FRMPD1: variants seen among roughly 807,000 people sequenced by gnomAD.
The protein encoded by FRMPD1 is FERM and PDZ domain containing 1.
In FRMPD1, 76 loss-of-function variants were observed where a neutral mutation model predicts 117.8. That is an observed-to-expected ratio of 0.65 (90% confidence interval 0.54 to 0.78). The LOEUF is 0.78. FRMPD1 is among the 30% of genes least tolerant of loss of function. The pLI is 0.00. For synonymous variants in FRMPD1, 783 were observed against 770.4 expected (o/e 1.02, Z -0.27); for missense variants, 1,786 against 1,964.5 (o/e 0.91, Z 1.72).
chr9:37,692,710 A>T lies in FRMPD1; in HGVS notation c.69A>T (p.Arg23Ser), dbSNP rs779165414. 1.9e-5 allele frequency: 30 copies of T among 1,613,886 alleles called. No homozygotes were observed. The highest frequency in any genetic ancestry group is 1.7e-6 in the Non-Finnish European group (2 of 1,179,874). Residue 23 changes from arginine to serine, a missense_variant, in exon 2 of 16, where the codon AGA becomes AGT. Coordinates refer to ENST00000377765, the MANE Select transcript of FRMPD1 (RefSeq NM_014907.3). ...KAHRIEQMVA[R>S]WLRRSRDSSA... ...ATAGAATAGAACAAATGGTGGCAAG[A>T]TGGCTTCGGCGCTCCCGGGACAGCT... is the stretch of plus-strand genomic sequence containing the variant.
the FRMPD1 span, among the ~76,000 whole-genome samples, chr9:37,640,304 G>A: frequency 2.0e-5 from 3 of 152,234 alleles, no homozygotes; most frequent in Admixed American, 1.3e-4. Context: ...TAGGGCTGAA[G>A]CAGGAGGGGG....
intron 1 of FRMPD1, among the ~76,000 whole-genome samples, chr9:37,689,830 C>T (rs530143097): frequency 6.6e-6 from 1 of 152,290 alleles, no homozygotes; most frequent in African/African-American, 2.4e-5. Flanking sequence ...AATTTGAGAA[C>T]TTCAATGGCT....
intron 12 of FRMPD1, 97 bp from the exon 13 acceptor site, chr9:37,735,455 A>G (rs1563958062): frequency 6.8e-6 from 6 of 885,904 alleles, no homozygotes; most frequent in Non-Finnish European, 7.3e-6. Context: ...CAAAGTAGGA[A>G]TCAAGGAGTT....
chr9:37,694,524 A>G (rs1253315358), intron 2 of FRMPD1, among the ~76,000 whole-genome samples: 3 of 152,160 alleles, frequency 2.0e-5, no homozygotes, highest in Non-Finnish European at 2.9e-5. Flanking sequence ...CCCCTCTGCC[A>G]GCCCCAGGTA....
intron 1 of FRMPD1, among the ~76,000 whole-genome samples, chr9:37,655,651 C>T (rs1820819728): frequency 6.6e-6 from 1 of 151,914 alleles, no homozygotes; most frequent in South Asian, 2.1e-4. Flanking sequence ...CTACAGGCAC[C>T]TGCCACCATG....
chr9:37,637,267 A>T, the FRMPD1 span: 1 of 1,602,680 alleles, frequency 6.2e-7, no homozygotes, highest in South Asian at 1.1e-5. Context: ...AAAGCAGCTT[A>T]AACAGGCAGT....
In FRMPD1 at chr9:37,735,536, C is replaced by T. The variant is rs771831048; in HGVS notation, c.1219-16C>T. The T allele has an allele frequency of 1.9e-6, 3 of 1,598,774 alleles. No homozygotes were observed. Among genetic ancestry groups the T allele is most frequent in the Non-Finnish European group, 2.6e-6 (3 of 1,166,632 alleles). On this transcript the variant is annotated splice_polypyrimidine_tract_variant and intron_variant, in intron 12 of 15. Coordinates refer to ENST00000377765, the MANE Select transcript of FRMPD1 (RefSeq NM_014907.3). Reference sequence around the variant, plus strand: ...CGCTTGCGAATGGAGACTAATTCCCCTTCCACCCTCTGCAGTTACAGGATA... The same window carrying T: ...CGCTTGCGAATGGAGACTAATTCCCTTTCCACCCTCTGCAGTTACAGGATA...
chr9:37,684,234 A>G (rs1821843188), intron 1 of FRMPD1, among the ~76,000 whole-genome samples: 1 of 152,214 alleles, frequency 6.6e-6, no homozygotes, highest in South Asian at 2.1e-4. Context: ...CAAGCAAGCT[A>G]ATCTGATTTT....
chr9:37,671,577 A>G (rs531227303), intron 1 of FRMPD1, among the ~76,000 whole-genome samples: 1 of 152,348 alleles, frequency 6.6e-6, no homozygotes, highest in East Asian at 1.9e-4. Context: ...AGTCAAATAT[A>G]GTCTGAGAGA....
chr9:37,737,309 C>A, intron 14 of FRMPD1, 66 bp downstream of exon 14: 1 of 1,459,436 alleles, frequency 6.9e-7, no homozygotes, highest in Non-Finnish European at 9.5e-7. Flanking sequence ...GTAAGGGCAG[C>A]CTAAAGGGAG....
the FRMPD1 span, among the ~76,000 whole-genome samples, chr9:37,618,975 G>C: frequency 1.3e-5 from 2 of 152,202 alleles, no homozygotes; most frequent in Non-Finnish European, 2.9e-5. Context: ...TGCTGAGCCA[G>C]TCCTGGGATT....
chr9:37,659,036 T>C (rs1470353610), intron 1 of FRMPD1, among the ~76,000 whole-genome samples: 1 of 152,042 alleles, frequency 6.6e-6, no homozygotes, highest in Non-Finnish European at 1.5e-5. Flanking sequence ...AATTTTTAAA[T>C]TTTATTTTTA....
chr9:37,685,382 G>A (rs542810252), intron 1 of FRMPD1, among the ~76,000 whole-genome samples: 24 of 152,006 alleles, frequency 1.6e-4, no homozygotes, highest in Non-Finnish European at 2.8e-4. Context: ...AGTGGCTCAC[G>A]CCTGTAATCC....
Position 37,740,693 on chromosome 9 carries a change from G to A in FRMPD1, c.2165G>A (p.Ser722Asn), listed in dbSNP as rs138584414. Residue 722 changes from serine (S) to asparagine (N), a missense_variant, in exon 15 of 16, where the codon AGT (serine) becomes AAT (asparagine). Coordinates refer to ENST00000377765, the MANE Select transcript of FRMPD1 (RefSeq NM_014907.3). This position sits in a 1 kb window ranked among gnomAD's most constrained non-coding sequence, Gnocchi z 4.2. ...SVSPASYLSD[S>N]SESTASRQGG... is the part of the protein sequence containing the mutation. Reference sequence around the variant, plus strand: ...TCCCCGGCCAGCTACCTGAGTGACAGTTCCGAGAGTACAGCTTCCCGGCAA... The same window carrying A: ...TCCCCGGCCAGCTACCTGAGTGACAATTCCGAGAGTACAGCTTCCCGGCAA... The A allele has an allele frequency of 1.5e-5, 24 of 1,614,046 alleles. No homozygotes were observed. Among genetic ancestry groups the A allele is most frequent in the Non-Finnish European group, 2.0e-5 (24 of 1,180,024 alleles).
At chr9:37,687,656 G>C (rs1166827406) in intron 1 of FRMPD1, among the ~76,000 whole-genome samples, 1 of 152,130 alleles carries the variant, frequency 6.6e-6, no homozygotes, top group Admixed American at 6.5e-5. Flanking sequence ...AAAGAAATAT[G>C]ATGTTATTTT....
At position 37,746,252 on chromosome 9, in the gene FRMPD1, C is replaced by T. The variant is rs781316556; in HGVS notation, c.4220C>T (p.Ala1407Val). The T allele has an allele frequency of 2.5e-6, 4 of 1,612,904 alleles. No homozygotes were observed. The highest frequency in any genetic ancestry group is 1.6e-4 in the Middle Eastern group (1 of 6,062). ...SHIWPEYCSR[A>V]LRQLKATPAS... ...ATCTGGCCAGAGTACTGCTCCAGGG[C>T]ACTGAGACAGCTGAAAGCCACCCCT... Residue 1407 changes from alanine to valine, a missense_variant, in exon 16 of 16, where the codon GCA (alanine) becomes GTA (valine). By Grantham distance (64) the Ala-to-Val change is moderately conservative (BLOSUM62 0). Transcript: ENST00000377765.
chr9:37,658,717 G>A (rs1371885449), intron 1 of FRMPD1, among the ~76,000 whole-genome samples: 1 of 152,088 alleles, frequency 6.6e-6, no homozygotes, highest in African/African-American at 2.4e-5. Flanking sequence ...ACTCTTATAA[G>A]GACACTTGTC....
chr9:37,646,771 A>G (rs1255128524), upstream of FRMPD1, among the ~76,000 whole-genome samples: 4 of 152,208 alleles, frequency 2.6e-5, no homozygotes, highest in Admixed American at 1.3e-4. Flanking sequence ...TATTTTGGGA[A>G]CAATAGATAT....
the FRMPD1 span, among the ~76,000 whole-genome samples, chr9:37,611,909 C>T: frequency 6.6e-6 from 1 of 152,042 alleles, no homozygotes; most frequent in Non-Finnish European, 1.5e-5. Flanking sequence ...TGACATTGGA[C>T]CTAAAGTGAT....
Sources: gnomAD v4.1 joint callset for allele counts (sites outside exome capture counted in the v4.1 genomes callset) on GRCh38, gnomAD v4.1.1 for gene constraint, Gnocchi (gnomAD v3.1) non-coding constraint, MANE v1.5 for transcripts, NCBI Gene and HGNC (gene_info 2026-07-23, HGNC 2026-07-21) for gene names.